SORL1: variants seen among roughly 807,000 people sequenced by gnomAD.
SORL1 encodes the protein sortilin-related receptor.
SORL1 carries 127 observed loss-of-function variants against 273.7 expected under a neutral mutation model. That is an observed-to-expected ratio of 0.46 (90% CI 0.40 to 0.54). The LOEUF (loss-of-function observed/expected upper bound fraction) is 0.54, where lower values mean the gene tolerates loss of function less well. SORL1 is among the 20% of genes least tolerant of loss of function. SORL1 has a pLI of 0.00. For synonymous variants in SORL1, 1,031 were observed against 1,067.4 expected (o/e 0.97, Z 0.66); for missense variants, 2,494 against 2,846.1 (o/e 0.88, Z 2.81).
intron 41 of SORL1, among the ~76,000 whole-genome samples, chr11:121,618,186 G>T (rs1863666464): frequency 1.3e-5 from 2 of 152,316 alleles, no homozygotes; most frequent in South Asian, 4.1e-4. Context: ...GCTTAGGGAG[G>T]TTCGCAGTTT....
rs377007245 is a variant in SORL1, at chr11:121,538,124, T to A, written c.1686-5424T>A. ...ATGATTCTGAACACTCTGTATCTAT[T>A]AATAAAAACCTCTGACAGTGTTTCC... On this transcript the variant is annotated intron_variant, in intron 12 of 47. Coordinates refer to ENST00000260197, the MANE Select transcript of SORL1 (RefSeq NM_003105.6). Among the ~76,000 whole-genome samples, 42 of 152,148 alleles carry A rather than the reference T, an allele frequency of 2.8e-4. 1 individual carries two copies. Among genetic ancestry groups the A allele is most frequent in the African/African-American group, 9.2e-4 (38 of 41,522 alleles).
In SORL1 at chr11:121,633,025, A is replaced by T. The variant is rs1707077843; in HGVS notation, c.*3462A>T. 1 of 152,004 alleles carries T rather than the reference A, an allele frequency of 6.6e-6. No individual in the cohort carries two copies. Among genetic ancestry groups the T allele is most frequent in the African/African-American group, 2.4e-5 (1 of 41,380 alleles). The allele number at this position is 152,004 out of a possible 1,614,324, so 9.4% of individuals were successfully genotyped here. ...TGTATCTTGACATTCCTGTTGTGTT[A>T]TTTTTCTTAACTGGAGTGTGTGCTG... On this transcript the variant is annotated 3_prime_UTR_variant, in exon 48 of 48. Coordinates refer to ENST00000260197, the MANE Select transcript of SORL1 (RefSeq NM_003105.6).
At chr11:121,603,932 C>T (rs1308566573) in intron 32 of SORL1, among the ~76,000 whole-genome samples, 1 of 152,188 alleles carries the variant, frequency 6.6e-6, no homozygotes, top group Non-Finnish European at 1.5e-5. Flanking sequence ...GCTGTTTGCT[C>T]AAGCTCATGC....
rs1286129474 is a variant in SORL1, at chr11:121,549,984, A to C, written c.2076A>C (p.Glu692Asp). 6.2e-7 allele frequency: 1 copy of C among 1,613,754 alleles called. No homozygotes were observed. The highest frequency in any genetic ancestry group is 2.2e-5 in the East Asian group (1 of 44,858). Residue 692 changes from glutamate (E) to aspartate (D), a missense_variant, in exon 15 of 48, where the codon GAA becomes GAC. Coordinates refer to ENST00000260197, the MANE Select transcript of SORL1 (RefSeq NM_003105.6). Reference protein sequence around the residue: ...YECDFGFKMSEDLSLEVCVPD... With the variant: ...YECDFGFKMSDDLSLEVCVPD... ...GTGACTTCGGTTTCAAGATGAGTGA[A>C]GATTTGTCATTAGAGGTTTGTGTTC...
At chr11:121,571,325 G>A (rs1333429750) in intron 23 of SORL1, among the ~76,000 whole-genome samples, 1 of 152,262 alleles carries the variant, frequency 6.6e-6, no homozygotes, top group East Asian at 1.9e-4. Flanking sequence ...TTGAGTTATG[G>A]AGAATGGGCA....
intron 1 of SORL1, among the ~76,000 whole-genome samples, chr11:121,454,252 C>G (rs1860864569): frequency 2.0e-5 from 3 of 152,234 alleles, no homozygotes; most frequent in Admixed American, 2.0e-4. Context: ...CTGCTGTGCT[C>G]TTGAATCAGC....
At chr11:121,552,064 A>G (rs1862514795) in intron 16 of SORL1, among the ~76,000 whole-genome samples, 1 of 152,170 alleles carries the variant, frequency 6.6e-6, no homozygotes, top group African/African-American at 2.4e-5. Flanking sequence ...TTTCTCTTCT[A>G]CTGGAAGATA....
At chr11:121,474,373 A>G (rs760906249) in intron 2 of SORL1, among the ~76,000 whole-genome samples, 8 of 152,184 alleles carry the variant, frequency 5.3e-5, no homozygotes, top group Non-Finnish European at 1.0e-4. Flanking sequence ...GGCATATTAC[A>G]GTTTGAGAAC....
At chr11:121,553,588 C>T (rs138399392) in intron 16 of SORL1, among the ~76,000 whole-genome samples, 7 of 152,090 alleles carry the variant, frequency 4.6e-5, no homozygotes, top group Non-Finnish European at 8.8e-5. Flanking sequence ...GAGAACAGGG[C>T]GATTGGTGTA....
chr11:121,549,378 A>G lies in SORL1; in HGVS notation c.2052-582A>G, dbSNP rs1347469143. 2.0e-5 allele frequency among the ~76,000 whole-genome samples: 3 copies of G among 151,714 alleles called. No homozygotes were observed. The East Asian group carries it at 5.9e-4, about 30-fold the overall frequency. ...GCTGGGACCACAGGTGTGCAGCACC[A>G]TACCTGGCTATTTTTTTTTATTCTT... On this transcript the variant is annotated intron_variant, in intron 14 of 47. Coordinates refer to ENST00000260197, the MANE Select transcript of SORL1 (RefSeq NM_003105.6).
In SORL1 at chr11:121,629,699, A is replaced by G. The variant is rs1415220586; in HGVS notation, c.*136A>G. On this transcript the variant is annotated 3_prime_UTR_variant, in exon 48 of 48. Coordinates refer to ENST00000260197, the MANE Select transcript of SORL1 (RefSeq NM_003105.6). Reference sequence around the variant, plus strand: ...GGGCCAAAAACAAAAAACAAAAAAAAAAAAAAGGAAAGAAAGGAATGAATA... The same window carrying G: ...GGGCCAAAAACAAAAAACAAAAAAAGAAAAAAGGAAAGAAAGGAATGAATA... The G allele has an allele frequency of 3.3e-6, 2 of 605,212 alleles. No individual in the cohort carries two copies. The highest frequency in any genetic ancestry group is 2.7e-5 in the East Asian group (1 of 36,396). The allele number at this position is 605,212 out of a possible 1,614,324, so 37.5% of individuals were successfully genotyped here. A position where few individuals can be genotyped will look rare whatever the true frequency, so the allele number is the denominator to read the frequency against.
At chr11:121,520,400 A>C (rs1322926593) in intron 8 of SORL1, among the ~76,000 whole-genome samples, 1 of 152,260 alleles carries the variant, frequency 6.6e-6, no homozygotes, top group Non-Finnish European at 1.5e-5. Flanking sequence ...AGGCCAATTC[A>C]TAAACACATG....
intron 22 of SORL1, among the ~76,000 whole-genome samples, chr11:121,569,290 A>T (rs1041777526): frequency 6.6e-6 from 1 of 152,242 alleles, no homozygotes; most frequent in Non-Finnish European, 1.5e-5. Context: ...TTTGAACAAT[A>T]TGAAATCTGG....
intron 28 of SORL1, among the ~76,000 whole-genome samples, chr11:121,588,814 G>A (rs777132798): frequency 5.9e-5 from 9 of 152,126 alleles, no homozygotes; most frequent in Non-Finnish European, 1.2e-4. Flanking sequence ...CCTCATAGAC[G>A]GCTGCCTGGC....
chr11:121,617,490 G>T (rs1863658765), intron 41 of SORL1, among the ~76,000 whole-genome samples: 1 of 152,172 alleles, frequency 6.6e-6, no homozygotes, highest in African/African-American at 2.4e-5. Flanking sequence ...ATTTGGGCAA[G>T]ATTTAAAAAA....
At chr11:121,562,918 G>C (rs1250648889) in intron 21 of SORL1, among the ~76,000 whole-genome samples, 4 of 152,108 alleles carry the variant, frequency 2.6e-5, no homozygotes, top group Non-Finnish European at 5.9e-5. Flanking sequence ...TTGGAATTGG[G>C]GGTTTTGGAA....
Position 121,534,958 on chromosome 11 carries a change from C to T in SORL1, c.1685+2406C>T, listed in dbSNP as rs145322683. On this transcript the variant is annotated intron_variant, in intron 12 of 47. Transcript: ENST00000260197. ...TTATGTTAGTTACCTTTACATGATG[C>T]GCCTGAATTCTGCAACTCGTTAGTA... Among the ~76,000 whole-genome samples, 973 of 152,300 alleles carry T rather than the reference C, an allele frequency of 6.4e-3. 4 individuals carry two copies. Among genetic ancestry groups the T allele is most frequent in the Middle Eastern group, 0.017 (5 of 294 alleles).
intron 41 of SORL1, among the ~76,000 whole-genome samples, chr11:121,617,774 A>G (rs540997626): frequency 2.2e-4 from 34 of 152,172 alleles, no homozygotes; most frequent in Non-Finnish European, 4.0e-4. Context: ...ACTTCATCCC[A>G]TTCCCACTTC....
At chr11:121,549,029 AC>A (rs1462797902) in intron 14 of SORL1, among the ~76,000 whole-genome samples, 2 of 152,162 alleles carry the variant, frequency 1.3e-5, no homozygotes, top group African/African-American at 4.8e-5. Context: ...TAGTACAGTC[AC>A]CTCGTTTTAG....
Sources: allele counts gnomAD v4.1 joint callset (sites outside exome capture counted in the v4.1 genomes callset), GRCh38; gene constraint gnomAD v4.1.1; transcripts MANE v1.5; gene names NCBI Gene and HGNC (gene_info 2026-07-23, HGNC 2026-07-21).